DENND6B: variants seen among roughly 807,000 people sequenced by gnomAD.
DENND6B encodes the protein DENN domain containing 6B.
A neutral mutation model predicts 85.1 loss-of-function variants in DENND6B; 73 were observed. That is an observed-to-expected ratio of 0.86 (90% CI 0.71 to 1.04). The LOEUF is 1.04. Ranked by LOEUF, DENND6B falls within the 50% of genes least tolerant of loss-of-function variation. The pLI is 0.00. For synonymous variants in DENND6B, 357 were observed against 329.3 expected, an observed-to-expected ratio of 1.08 and a Z score of -0.91; for missense variants, 715 against 785.8, an observed-to-expected ratio of 0.91 and a Z score of 1.08.
Position 50,312,031 on chromosome 22 carries a change from C to CG in DENND6B, c.*107dup. ...CAGGAAGGGGAGCCTGCAGTCTGGGCGGGGGGCCAAGGAAGGGGAGCGTGT... is the reference window on the plus strand; with the variant it reads ...CAGGAAGGGGAGCCTGCAGTCTGGGCGGGGGGGCCAAGGAAGGGGAGCGTGT... On this transcript the variant is annotated 3_prime_UTR_variant, in exon 20 of 20. Coordinates refer to ENST00000413817, the MANE Select transcript of DENND6B (RefSeq NM_001001794.4). 4 of 1,493,798 alleles carry CG rather than the reference C, an allele frequency of 2.7e-6. No homozygotes were observed. Among genetic ancestry groups the CG allele is most frequent in the East Asian group, 2.3e-5 (1 of 42,842 alleles). 92.5% of individuals were successfully genotyped at this position (1,493,798 alleles called of 1,614,324 possible). A position where few individuals can be genotyped will look rare whatever the true frequency, so the allele number is the denominator to read the frequency against.
intron 16 of DENND6B, 46 bp from the exon 17 acceptor site, chr22:50,313,154 G>A (rs2068107867): frequency 1.3e-6 from 2 of 1,514,260 alleles, no homozygotes; most frequent in Middle Eastern, 1.7e-4. Flanking sequence ...CGGCCTCACA[G>A]GCCTGCACCC....
At chr22:50,321,654 G>A (rs1049763502) in intron 1 of DENND6B, among the ~76,000 whole-genome samples, 1 of 151,928 alleles carries the variant, frequency 6.6e-6, no homozygotes, top group South Asian at 2.1e-4. Flanking sequence ...GAGCCACGGC[G>A]CCCAGCCCTT....
intron 12 of DENND6B, 34 bp from the exon 13 acceptor site, chr22:50,314,306 C>T: frequency 6.2e-7 from 1 of 1,603,168 alleles, no homozygotes; most frequent in Non-Finnish European, 8.5e-7. Context: ...GGCCTCAGTG[C>T]CCGCAGCTCT....
chr22:50,316,335 T>C (rs899159680), intron 6 of DENND6B, 35 bp downstream of exon 6: 1 of 1,562,750 alleles, frequency 6.4e-7, no homozygotes, highest in African/African-American at 1.4e-5. Context: ...GCTGGGATGA[T>C]GAGACCACGA....
At position 50,314,862 on chromosome 22, in the gene DENND6B, TC is replaced by T; in HGVS notation, c.817del (p.Glu273SerfsTer4). The stretch of plus-strand genomic sequence containing the variant: ...CGAGGGTGCCAGGACTAGCAGGGGC[TC>T]CCCGAGGAGCATGAGCTCCCACAGT... ...QTLWELMLLG[E>X]PLLVLAPSPD... On this transcript the variant is annotated frameshift_variant, in exon 10 of 20. Transcript: ENST00000413817. LOFTEE classifies it high-confidence loss of function. 1 of 1,612,078 alleles carries T rather than the reference TC, an allele frequency of 6.2e-7. No individual in the cohort carries two copies. Among genetic ancestry groups the T allele is most frequent in the Non-Finnish European group, 8.5e-7 (1 of 1,179,640 alleles).
chr22:50,313,208 C>T, intron 16 of DENND6B, 100 bp from the exon 17 acceptor site: 1 of 1,266,552 alleles, frequency 7.9e-7, no homozygotes, highest in Non-Finnish European at 1.1e-6. Flanking sequence ...TGAAGACCCC[C>T]AGCCCCCACC....
At position 50,318,777 on chromosome 22, in the gene DENND6B, C is replaced by A. The variant is rs564546660; in HGVS notation, c.259+70G>T. 9 of 1,590,770 alleles carry A rather than the reference C, an allele frequency of 5.7e-6. No homozygotes were observed. The African/African-American group carries it at 1.2e-4, about 21-fold the overall frequency. On this transcript the variant is annotated intron_variant, in intron 3 of 19. Coordinates refer to ENST00000413817, the MANE Select transcript of DENND6B (RefSeq NM_001001794.4). ...CGGGGCAGCCGAGGCAGCCATGATG[C>A]CCCTGGCCCAGGCTACAGGGATGCC...
intron 1 of DENND6B, among the ~76,000 whole-genome samples, chr22:50,320,832 T>C (rs1286041383): frequency 1.3e-5 from 2 of 152,174 alleles, no homozygotes; most frequent in Non-Finnish European, 2.9e-5. Context: ...GCCTCTGAGC[T>C]CCGTGCCCAT....
chr22:50,314,383 C>G lies in DENND6B; in HGVS notation c.1072+17G>C. The G allele has an allele frequency of 6.4e-7, 1 of 1,564,052 alleles. No individual in the cohort carries two copies. Among genetic ancestry groups the G allele is most frequent in the Non-Finnish European group, 8.7e-7 (1 of 1,154,582 alleles). ...GGCTTCTGAGCAGCACCCCCTGCACCTCACCGGGAGCCTGACCTGACATCT... is the reference window on the plus strand; with the variant it reads ...GGCTTCTGAGCAGCACCCCCTGCACGTCACCGGGAGCCTGACCTGACATCT... On this transcript the variant is annotated intron_variant, in intron 12 of 19. Coordinates refer to ENST00000413817, the MANE Select transcript of DENND6B (RefSeq NM_001001794.4).
At chr22:50,317,074 G>GCC in intron 5 of DENND6B, 1 of 298,044 alleles carries the variant, frequency 3.4e-6, no homozygotes, top group Non-Finnish European at 6.3e-6. Context: ...GGTGGGGGGG[G>GCC]GCGGCGAGGA....
intron 1 of DENND6B, chr22:50,319,208 A>G (rs923743936): frequency 4.7e-6 from 7 of 1,486,190 alleles, no homozygotes; most frequent in Non-Finnish European, 1.8e-6. Flanking sequence ...CTGTGTTCCA[A>G]CAGCATGCTG....
intron 14 of DENND6B, 44 bp from the exon 15 acceptor site, chr22:50,313,768 C>G: frequency 6.2e-7 from 1 of 1,609,178 alleles, no homozygotes; most frequent in South Asian, 1.1e-5. Flanking sequence ...CTTCACACCA[C>G]ACCAGGCTCC....
intron 13 of DENND6B, 68 bp downstream of exon 13, chr22:50,314,139 A>G: frequency 6.6e-7 from 1 of 1,515,404 alleles, no homozygotes; most frequent in Non-Finnish European, 8.8e-7. Context: ...GCCCCACCCG[A>G]GAGACCCGCC....
At position 50,314,994 on chromosome 22, in the gene DENND6B, CGTT is replaced by C. The variant is rs960647521; in HGVS notation, c.759-76_759-74del. ...CCTGGCTCTGGCCCCGCTCTCCCAC[CGTT>C]CACCCAGGCTGGCCCAGGCACTGGT... is the stretch of plus-strand genomic sequence containing the variant. On this transcript the variant is annotated intron_variant, in intron 9 of 19. Coordinates refer to ENST00000413817, the MANE Select transcript of DENND6B (RefSeq NM_001001794.4). 17 of 1,578,728 alleles carry C rather than the reference CGTT, an allele frequency of 1.1e-5. No homozygotes were observed. In the African/African-American group the frequency reaches 2.3e-4, roughly 21 times the overall value.
In DENND6B at chr22:50,316,155, C is replaced by T; in HGVS notation, c.639+19G>A. On this transcript the variant is annotated intron_variant, in intron 7 of 19. Coordinates refer to ENST00000413817, the MANE Select transcript of DENND6B (RefSeq NM_001001794.4). ...CCCACACACCTGCAGAGCCTACTCC[C>T]CAGCCAGCTGGCTCTCACCTGGACA... The T allele has an allele frequency of 1.2e-6, 2 of 1,612,566 alleles. No homozygotes were observed. Among genetic ancestry groups the T allele is most frequent in the East Asian group, 2.2e-5 (1 of 44,888 alleles).
chr22:50,313,225 G>A lies in DENND6B; in HGVS notation c.1348-117C>T, dbSNP rs559325203. ...AAGACCCCCAGCCCCCACCCTGCCTGGCACAGATCCCAGGACAGCCTTTCC... is the reference window on the plus strand; with the variant it reads ...AAGACCCCCAGCCCCCACCCTGCCTAGCACAGATCCCAGGACAGCCTTTCC... On this transcript the variant is annotated intron_variant, in intron 16 of 19. Coordinates refer to ENST00000413817, the MANE Select transcript of DENND6B (RefSeq NM_001001794.4). 2.4e-5 allele frequency: 29 copies of A among 1,195,846 alleles called. No individual in the cohort carries two copies. The East Asian group carries it at 3.6e-4, about 15-fold the overall frequency. 74.1% of individuals were successfully genotyped at this position (1,195,846 alleles called of 1,614,324 possible).
chr22:50,315,598 TCACGCAGACACA>T, intron 9 of DENND6B, 104 bp downstream of exon 9: 1 of 1,255,894 alleles, frequency 8.0e-7, no homozygotes, highest in South Asian at 1.5e-5. Flanking sequence ...ACACGTGCAC[TCACGCAGACACA>T]CACGCACACA....
At chr22:50,317,599 T>A (rs1471831869) in intron 4 of DENND6B, among the ~76,000 whole-genome samples, 3 of 151,646 alleles carry the variant, frequency 2.0e-5, no homozygotes, top group African/African-American at 7.3e-5. Flanking sequence ...GGGAGTCCGC[T>A]GGTGTAGTGG....
rs747328495 is a variant in DENND6B at position 50,317,950 on chromosome 22, G to A, written c.330C>T (p.Ala110=). Residue 110 remains alanine (A), a synonymous_variant, in exon 4 of 20, where the codon GCC becomes GCT. Coordinates refer to ENST00000413817, the MANE Select transcript of DENND6B (RefSeq NM_001001794.4). ...CCCTGCTGTTGTAGTGCCTGTCGTCGGCATGCCAGGGGCTCCTCTGCCCTC... is the reference window on the plus strand; with the variant it reads ...CCCTGCTGTTGTAGTGCCTGTCGTCAGCATGCCAGGGGCTCCTCTGCCCTC... ...QCGGQRSPWH[A]DDRHYNSRAP... is the part of the protein sequence containing the mutation. 10 of 1,611,610 alleles carry A rather than the reference G, an allele frequency of 6.2e-6. No homozygotes were observed. The highest frequency in any genetic ancestry group is 2.2e-5 in the East Asian group (1 of 44,898).
Sources: gnomAD v4.1 joint callset for allele counts (sites outside exome capture counted in the v4.1 genomes callset) on GRCh38, gnomAD v4.1.1 for gene constraint, MANE v1.5 for transcripts, NCBI Gene and HGNC (gene_info 2026-07-23, HGNC 2026-07-21) for gene names.